Variants in MOK observed in about 807,000 individuals in gnomAD.
MOK encodes MAPK/MAK/MRK overlapping kinase.
In MOK, 59 loss-of-function variants were observed where a neutral mutation model predicts 54.2. That is an observed-to-expected ratio of 1.09 (90% CI 0.88 to 1.35). The LOEUF is 1.35. MOK is among the 40% of genes most tolerant of loss of function. The pLI is 0.00. For synonymous variants in MOK, 210 were observed against 202.7 expected (o/e 1.04, Z -0.31); for missense variants, 517 against 526.2 (o/e 0.98, Z 0.17).
At chr14:102,219,556 C>T (rs754505355), downstream of MOK, among the ~76,000 whole-genome samples, 26 of 152,342 alleles carry the variant, frequency 1.7e-4, no homozygotes, top group Non-Finnish European at 2.6e-4. Flanking sequence ...TTTGGGCCTT[C>T]GCTTCGCCTT....
intron 2 of MOK, among the ~76,000 whole-genome samples, chr14:102,272,571 T>C (rs1467226588): frequency 1.6e-4 from 24 of 152,142 alleles, no homozygotes; most frequent in Admixed American, 1.6e-3. Context: ...TCATATGTTA[T>C]GACTAAGTGG....
intron 1 of MOK, among the ~76,000 whole-genome samples, chr14:102,303,269 A>G (rs1218559800): frequency 6.6e-6 from 1 of 152,222 alleles, no homozygotes; most frequent in Non-Finnish European, 1.5e-5. Context: ...TGGAAGGGCC[A>G]CACTGACAGA....
Position 102,232,932 on chromosome 14 carries a change from C to T in MOK, c.693-224G>A, listed in dbSNP as rs1162301900. On this transcript the variant is annotated intron_variant, in intron 8 of 11. Coordinates refer to ENST00000361847, the MANE Select transcript of MOK (RefSeq NM_014226.3). This position sits in a 1 kb window ranked among gnomAD's most constrained non-coding sequence, Gnocchi z 5.1. ...CACGGTTCATCGACCATAATAAACACACCACTCGAGGCAGGTGCTGACGAC... is the reference window on the plus strand; with the variant it reads ...CACGGTTCATCGACCATAATAAACATACCACTCGAGGCAGGTGCTGACGAC... The T allele has an allele frequency of 5.3e-6, 2 of 376,178 alleles. No homozygotes were observed. Among genetic ancestry groups the T allele is most frequent in the East Asian group, 8.7e-5 (2 of 23,092 alleles). 23.3% of individuals were successfully genotyped at this position (376,178 alleles called of 1,614,324 possible).
At chr14:102,223,397 C>T (rs1249425261), downstream of MOK, 1 of 152,648 alleles carries the variant, frequency 6.6e-6, no homozygotes, top group Non-Finnish European at 1.5e-5. Flanking sequence ...AAATTGTTTG[C>T]ACTTAAAAAT....
At chr14:102,218,521 G>C in the MOK span, among the ~76,000 whole-genome samples, 1 of 152,220 alleles carries the variant, frequency 6.6e-6, no homozygotes, top group Non-Finnish European at 1.5e-5. Context: ...ACATGGCCTT[G>C]CTGCTTTATT....
chr14:102,243,744 A>G (rs2065890030), intron 7 of MOK, among the ~76,000 whole-genome samples: 1 of 152,042 alleles, frequency 6.6e-6, no homozygotes, highest in Non-Finnish European at 1.5e-5. Flanking sequence ...TCTCTGATCC[A>G]CCTGACATTC....
At chr14:102,263,377 T>C (rs573130066) in intron 4 of MOK, among the ~76,000 whole-genome samples, 169 bp downstream of exon 4, 1 of 152,210 alleles carries the variant, frequency 6.6e-6, no homozygotes, top group African/African-American at 2.4e-5. Context: ...ATGTTCTGAG[T>C]AGATGAGCAG....
intron 2 of MOK, among the ~76,000 whole-genome samples, chr14:102,269,322 G>A (rs1398655150): frequency 6.6e-6 from 1 of 152,002 alleles, no homozygotes; most frequent in Non-Finnish European, 1.5e-5. Context: ...GAGTAGCTGG[G>A]ATTACAGGTG....
chr14:102,287,207 G>A (rs1012935125), intron 1 of MOK, among the ~76,000 whole-genome samples: 1 of 152,216 alleles, frequency 6.6e-6, no homozygotes, highest in African/African-American at 2.4e-5. Flanking sequence ...GGTGGCTCAC[G>A]CCTGTCATCC....
At position 102,283,549 on chromosome 14, in the gene MOK, T is replaced by C. The variant is rs1235926945; in HGVS notation, c.51A>G (p.Glu17=). ...IGKIGEGTFS[E]VMKMQSLRDG... ...CTCTCAGGCTTTGCATCTTCATAAC[T>C]TCAGAAAACGTTCCCTCTCCTATTT... The change falls in exon 2 of 12, where the codon GAA becomes GAG. Residue 17 remains glutamate, a synonymous_variant. Coordinates refer to ENST00000361847, the MANE Select transcript of MOK (RefSeq NM_014226.3). 2 of 1,613,662 alleles carry C rather than the reference T, an allele frequency of 1.2e-6. No homozygotes were observed. The highest frequency in any genetic ancestry group is 2.2e-5 in the South Asian group (2 of 90,980).
intron 7 of MOK, among the ~76,000 whole-genome samples, chr14:102,242,500 T>C (rs1247517147): frequency 1.5e-5 from 2 of 131,154 alleles, no homozygotes; most frequent in Admixed American, 8.2e-5. Context: ...CCCACCTTAA[T>C]CCACAAGTAT....
chr14:102,287,012 C>A (rs1246405115), intron 1 of MOK, among the ~76,000 whole-genome samples: 1 of 151,996 alleles, frequency 6.6e-6, no homozygotes, highest in East Asian at 1.9e-4. Flanking sequence ...ACAGGTGTCT[C>A]ATTTTCTAAG....
chr14:102,229,565 G>C lies in MOK; in HGVS notation c.1074C>G (p.Val358=), dbSNP rs919547808. The C allele has an allele frequency of 1.2e-6, 2 of 1,614,052 alleles. No individual in the cohort carries two copies. Among genetic ancestry groups the C allele is most frequent in the African/African-American group, 2.7e-5 (2 of 74,922 alleles). Residue 358 remains valine, a synonymous_variant, in exon 11 of 12, where the codon GTC becomes GTG. Coordinates refer to ENST00000361847, the MANE Select transcript of MOK (RefSeq NM_014226.3). ...ELPKLKLSGV[V]RLSSYSSPTL... ...TGGGGCTGGAGTAAGACGACAGTCT[G>C]ACCACTCCCGAAAGCTTTAGTTTGG...
In MOK at chr14:102,250,867, A is replaced by G. The variant is rs1308652565; in HGVS notation, c.535T>C (p.Tyr179His). 1.2e-6 allele frequency: 2 copies of G among 1,614,022 alleles called. No individual in the cohort carries two copies. Among genetic ancestry groups the G allele is most frequent in the African/African-American group, 1.3e-5 (1 of 74,940 alleles). The change falls in exon 7 of 12, where the codon TAC becomes CAC. Residue 179 changes from tyrosine to histidine, a missense_variant. Physicochemically the swap from Tyr to His is moderately conservative, Grantham distance 83 (BLOSUM62 2). Transcript: ENST00000361847. The stretch of plus-strand genomic sequence containing the variant: ...CTCCACAGGTCCATCTTGTACGTGT[A>G]GAACCCATCAGTGAGGAGACACTCC... The part of the protein sequence containing the change: ...APECLLTDGF[Y>H]TYKMDLWSAG...
rs557706199 is a variant in MOK, at chr14:102,261,749, T to G, written c.283+1797A>C. On this transcript the variant is annotated intron_variant, in intron 4 of 11. Coordinates refer to ENST00000361847, the MANE Select transcript of MOK (RefSeq NM_014226.3). ...ACAAGGTTTTGCCATATTGGCCAGG[T>G]TGGTCTTGAACTCCTGACCTCAAGT... is the stretch of plus-strand genomic sequence containing the variant. 4.3e-3 allele frequency among the ~76,000 whole-genome samples: 653 copies of G among 150,710 alleles called. 6 individuals are homozygous for G. Among genetic ancestry groups the G allele is most frequent in the African/African-American group, 0.015 (621 of 41,038 alleles).
Position 102,278,184 on chromosome 14 carries a change from C to G in MOK, c.122+5294G>C, listed in dbSNP as rs145254391. On this transcript the variant is annotated intron_variant, in intron 2 of 11. Transcript: ENST00000361847. Reference sequence around the variant, plus strand: ...ATCTTGTACTTATCACCCTCCAGAACTGTAAGAAATAAATGTCTGCTGTTT... The same window carrying G: ...ATCTTGTACTTATCACCCTCCAGAAGTGTAAGAAATAAATGTCTGCTGTTT... Among the ~76,000 whole-genome samples the G allele has an allele frequency of 4.6e-3, 703 of 152,210 alleles. 6 individuals carry two copies. The highest frequency in any genetic ancestry group is 0.016 in the African/African-American group (652 of 41,534).
At chr14:102,276,738 C>G (rs2068899330) in intron 2 of MOK, among the ~76,000 whole-genome samples, 1 of 149,834 alleles carries the variant, frequency 6.7e-6, no homozygotes, top group Admixed American at 6.7e-5. Context: ...TTGTGGTGAG[C>G]TGAGATCATG....
downstream of MOK, among the ~76,000 whole-genome samples, chr14:102,221,508 C>T (rs975081696): frequency 3.3e-5 from 5 of 152,174 alleles, no homozygotes; most frequent in African/African-American, 9.7e-5. The surrounding 1 kb of genome is among the most constrained non-coding windows in gnomAD (Gnocchi z 4.8). Context: ...AAGTATGGGG[C>T]GTTTGCGGGG....
chr14:102,248,948 C>T (rs2066312457), intron 7 of MOK, among the ~76,000 whole-genome samples: 1 of 152,096 alleles, frequency 6.6e-6, no homozygotes, highest in Non-Finnish European at 1.5e-5. Context: ...TCAGCTGACC[C>T]TACAGTCAGG....
Sources: allele counts gnomAD v4.1 joint callset (sites outside exome capture counted in the v4.1 genomes callset), GRCh38; gene constraint gnomAD v4.1.1; non-coding constraint Gnocchi (gnomAD v3.1); transcripts MANE v1.5; gene names NCBI Gene and HGNC (gene_info 2026-07-23, HGNC 2026-07-21).